The following MUSK variants were observed in gnomAD, a reference collection of about 807,000 sequenced individuals.
The protein encoded by MUSK is muscle associated receptor tyrosine kinase.
MUSK carries 55 observed loss-of-function variants against 88.7 expected under a neutral mutation model. The observed-to-expected ratio is 0.62, with a 90% CI of 0.50 to 0.78. The LOEUF is 0.78. MUSK is among the 30% of genes least tolerant of loss of function. The pLI, the probability that MUSK is intolerant of heterozygous loss-of-function variation, is 0.00. For missense variants in MUSK, 1,015 were observed against 1,074.3 expected (o/e 0.94, Z 0.77); for synonymous variants, 387 against 391.9 (o/e 0.99, Z 0.15).
chr9:110,729,840 C>A (rs1006308076), intron 5 of MUSK, among the ~76,000 whole-genome samples: 2 of 151,990 alleles, frequency 1.3e-5, no homozygotes, highest in African/African-American at 4.8e-5. Context: ...AGAGGTAGTT[C>A]ATCTCCAGCC....
chr9:110,767,183 C>A (rs1231216909), intron 8 of MUSK, among the ~76,000 whole-genome samples: 1 of 152,136 alleles, frequency 6.6e-6, no homozygotes, highest in African/African-American at 2.4e-5. Flanking sequence ...TGTGATGAGA[C>A]ATGATGAGAA....
At chr9:110,720,205 A>G (rs78173772) in intron 5 of MUSK, among the ~76,000 whole-genome samples, 3,430 of 152,128 alleles carry the variant, frequency 0.023, 134 homozygotes, top group African/African-American at 0.074. Context: ...AGAACAATCT[A>G]AACACAAATG....
chr9:110,756,540 T>TTC (rs774020210), intron 7 of MUSK, among the ~76,000 whole-genome samples: 1 of 143,860 alleles, frequency 7.0e-6, no homozygotes, highest in South Asian at 2.2e-4. Flanking sequence ...GTAATATTAT[T>TTC]AAAAAAAAAA....
rs570387668 is a variant in MUSK, at chr9:110,692,204, G to A, written c.359-3199G>A. 8.5e-5 allele frequency among the ~76,000 whole-genome samples: 13 copies of A among 152,116 alleles called. No individual in the cohort carries two copies. In the East Asian group the frequency reaches 2.3e-3, roughly 27 times the overall value. ...AGACAAGATCTCACTCTGTAACTCA[G>A]GCTGTAGTGCAGTTGTGTGACCATG... On this transcript the variant is annotated intron_variant, in intron 3 of 14. Coordinates refer to ENST00000374448, the MANE Select transcript of MUSK (RefSeq NM_005592.4).
chr9:110,743,736 G>T (rs567794833), intron 6 of MUSK, among the ~76,000 whole-genome samples: 1 of 152,262 alleles, frequency 6.6e-6, no homozygotes, highest in East Asian at 1.9e-4. Flanking sequence ...TATATGACCT[G>T]TGAAGTCCTT....
intron 1 of MUSK, among the ~76,000 whole-genome samples, chr9:110,679,138 C>A (rs1258733128): frequency 1.3e-5 from 2 of 151,860 alleles, no homozygotes; most frequent in African/African-American, 2.4e-5. Context: ...TCTTCTATAT[C>A]TTTACTGTAG....
intron 11 of MUSK, among the ~76,000 whole-genome samples, chr9:110,781,266 GTTTTGT>G (rs1173106103): frequency 6.6e-6 from 1 of 151,020 alleles, no homozygotes; most frequent in Non-Finnish European, 1.5e-5. Flanking sequence ...TTTTTGTTTT[GTTTTGT>G]TTTGTTTTGT....
chr9:110,694,853 T>C (rs1263993640), intron 3 of MUSK, among the ~76,000 whole-genome samples: 1 of 128,668 alleles, frequency 7.8e-6, no homozygotes, highest in Non-Finnish European at 1.7e-5. Flanking sequence ...TCCCCCCAAA[T>C]TGTATGACAG....
intron 1 of MUSK, among the ~76,000 whole-genome samples, chr9:110,669,896 G>A (rs2075935632): frequency 1.3e-5 from 2 of 152,088 alleles, no homozygotes; most frequent in South Asian, 2.1e-4. Context: ...TTTGCTTCAG[G>A]ACATGTTCAA....
Position 110,717,408 on chromosome 9 carries a change from A to G in MUSK, c.629-16843A>G, listed in dbSNP as rs949968408. On this transcript the variant is annotated intron_variant, in intron 5 of 14. Transcript: ENST00000374448. ...CTTTAACTAAAGCAAGCATCTTATCATTCTTTAAAATCTTATCTAACAGCA... is the reference window on the plus strand; with the variant it reads ...CTTTAACTAAAGCAAGCATCTTATCGTTCTTTAAAATCTTATCTAACAGCA... Among the ~76,000 whole-genome samples the G allele has an allele frequency of 4.7e-5, 7 of 149,908 alleles. No individual in the cohort carries two copies. In the South Asian group the frequency reaches 1.5e-3, roughly 31 times the overall value.
intron 5 of MUSK, among the ~76,000 whole-genome samples, chr9:110,722,001 C>T (rs1377262128): frequency 6.6e-6 from 1 of 152,116 alleles, no homozygotes; most frequent in Admixed American, 6.6e-5. Context: ...AAAGGACACC[C>T]TATTCAATAA....
Position 110,800,633 on chromosome 9 carries a change from C to T in MUSK, c.2255C>T (p.Ser752Leu), listed in dbSNP as rs1205731716. ...TTTGGCCTCTCCAGGAACATCTACTCAGCAGACTACTACAAAGCTAATGAA... is the reference window on the plus strand; with the variant it reads ...TTTGGCCTCTCCAGGAACATCTACTTAGCAGACTACTACAAAGCTAATGAA... ...ADFGLSRNIY[S>L]ADYYKANEND... The change falls in exon 15 of 15, where the codon TCA becomes TTA. Residue 752 changes from serine (S) to leucine (L), a missense_variant. Coordinates refer to ENST00000374448, the MANE Select transcript of MUSK (RefSeq NM_005592.4). The T allele has an allele frequency of 6.2e-7, 1 of 1,613,828 alleles. No homozygotes were observed. Among genetic ancestry groups the T allele is most frequent in the Non-Finnish European group, 8.5e-7 (1 of 1,179,874 alleles).
At chr9:110,764,995 C>T (rs1284951523) in intron 8 of MUSK, among the ~76,000 whole-genome samples, 1 of 151,912 alleles carries the variant, frequency 6.6e-6, no homozygotes, top group East Asian at 1.9e-4. Context: ...CAGAGGGGTT[C>T]ATTATTAGTT....
At chr9:110,733,289 T>C (rs1301033502) in intron 5 of MUSK, among the ~76,000 whole-genome samples, 1 of 152,132 alleles carries the variant, frequency 6.6e-6, no homozygotes, top group Non-Finnish European at 1.5e-5. Context: ...TCTTGTTACC[T>C]TGGGAAACCA....
At chr9:110,718,663 G>A (rs1437193797) in intron 5 of MUSK, among the ~76,000 whole-genome samples, 2 of 152,026 alleles carry the variant, frequency 1.3e-5, no homozygotes, top group Non-Finnish European at 2.9e-5. Flanking sequence ...ACATATTTGA[G>A]GAAATAATCA....
intron 2 of MUSK, among the ~76,000 whole-genome samples, chr9:110,686,107 G>A (rs1253640606): frequency 6.6e-6 from 1 of 152,096 alleles, no homozygotes; most frequent in Non-Finnish European, 1.5e-5. Flanking sequence ...GCAGGGCTGA[G>A]TTCCTTCTGG....
At chr9:110,713,219 C>G (rs781170034) in intron 5 of MUSK, among the ~76,000 whole-genome samples, 13 of 151,216 alleles carry the variant, frequency 8.6e-5, no homozygotes, top group Admixed American at 5.9e-4. Flanking sequence ...CACAGGCTAA[C>G]ATGGAGATCA....
intron 1 of MUSK, among the ~76,000 whole-genome samples, chr9:110,676,327 T>C (rs1196093548): frequency 2.9e-5 from 2 of 69,100 alleles, no homozygotes; most frequent in East Asian, 6.0e-4. Flanking sequence ...ATGTTGTATA[T>C]ATACACATAC....
chr9:110,800,947 G>C lies in MUSK; in HGVS notation c.2569G>C (p.Glu857Gln), dbSNP rs1385796852. ...PSFTSIHRIL[E>Q]RMCERAEGTV... ...TTTCACCAGTATTCACCGAATTCTG[G>C]AACGCATGTGTGAGAGGGCAGAGGG... Residue 857 changes from glutamate (E) to glutamine (Q), a missense_variant, in exon 15 of 15, where the codon GAA becomes CAA. Coordinates refer to ENST00000374448, the MANE Select transcript of MUSK (RefSeq NM_005592.4). 6.6e-7 allele frequency: 1 copy of C among 1,524,558 alleles called. No homozygotes were observed. Among genetic ancestry groups the C allele is most frequent in the South Asian group, 1.3e-5 (1 of 75,192 alleles). The allele number at this position is 1,524,558 out of a possible 1,614,324, so 94.4% of individuals were successfully genotyped here.
Sources: gnomAD v4.1 joint callset for allele counts (sites outside exome capture counted in the v4.1 genomes callset) on GRCh38, gnomAD v4.1.1 for gene constraint, MANE v1.5 for transcripts, NCBI Gene and HGNC (gene_info 2026-07-23, HGNC 2026-07-21) for gene names.